The following LRP1B variants were observed in gnomAD, a reference collection of about 807,000 sequenced individuals.
LRP1B encodes the protein low-density lipoprotein receptor-related protein 1B.
In LRP1B, 217 loss-of-function variants were observed where a neutral mutation model predicts 556.6. The observed-to-expected ratio is 0.39, with a 90% CI of 0.35 to 0.44. The LOEUF (loss-of-function observed/expected upper bound fraction) is 0.44, where lower values mean the gene tolerates loss of function less well. Ranked by LOEUF, LRP1B falls within the 20% of genes least tolerant of loss-of-function variation. The pLI is 1.00. For missense variants in LRP1B, 5,053 were observed against 5,620.8 expected, an observed-to-expected ratio of 0.90 and a Z score of 3.23; for synonymous variants, 2,047 against 1,865.8, an observed-to-expected ratio of 1.10 and a Z score of -2.50.
At chr2:141,006,347 A>T (rs75148265) in intron 14 of LRP1B, among the ~76,000 whole-genome samples, 3,525 of 152,128 alleles carry the variant, frequency 0.023, 69 homozygotes, top group South Asian at 0.035. Flanking sequence ...AACTATAATC[A>T]TCCCACAGTG....
At chr2:141,468,315 C>T (rs1682322042) in intron 3 of LRP1B, among the ~76,000 whole-genome samples, 1 of 152,144 alleles carries the variant, frequency 6.6e-6, no homozygotes, top group African/African-American at 2.4e-5. Flanking sequence ...CCTCATCTTA[C>T]ACTGGTTTTG....
chr2:140,773,185 A>AG (rs1179697733), intron 33 of LRP1B, among the ~76,000 whole-genome samples: 3 of 152,082 alleles, frequency 2.0e-5, no homozygotes, highest in Admixed American at 6.6e-5. Context: ...GAATGTGGCT[A>AG]GGGGCGCGGT....
chr2:140,528,518 A>T (rs1690538574), intron 47 of LRP1B, among the ~76,000 whole-genome samples: 1 of 151,880 alleles, frequency 6.6e-6, no homozygotes, highest in Non-Finnish European at 1.5e-5. Context: ...CCAAAATAAC[A>T]ATAGGGCTAA....
chr2:140,444,308 A>C, intron 65 of LRP1B, 22 bp downstream of exon 65: 2 of 1,612,934 alleles, frequency 1.2e-6, no homozygotes, highest in Non-Finnish European at 1.7e-6. Flanking sequence ...AAGACAAGAC[A>C]GAGTATTTTG....
intron 84 of LRP1B, among the ~76,000 whole-genome samples, chr2:140,286,354 G>A (rs1683152266): frequency 1.3e-5 from 2 of 151,802 alleles, no homozygotes; most frequent in African/African-American, 4.8e-5. Flanking sequence ...GTAAAAGAGG[G>A]AGACTGGAAA....
intron 3 of LRP1B, among the ~76,000 whole-genome samples, chr2:141,271,125 T>C (rs77918485): frequency 0.011 from 1,629 of 151,914 alleles, 19 homozygotes; most frequent in Non-Finnish European, 0.018. Flanking sequence ...AAAATTTTAT[T>C]TGAGGGGTTT....
At chr2:141,721,383 A>G (rs957295706) in intron 2 of LRP1B, among the ~76,000 whole-genome samples, 7 of 152,146 alleles carry the variant, frequency 4.6e-5, no homozygotes, top group Non-Finnish European at 1.0e-4. Context: ...ATTTGCTAAT[A>G]GTGGTTGAAT....
chr2:141,230,895 T>A (rs1460376807), intron 5 of LRP1B, among the ~76,000 whole-genome samples: 2 of 152,196 alleles, frequency 1.3e-5, no homozygotes, highest in East Asian at 3.9e-4. Context: ...TTCACCATAG[T>A]ATGTTTTATA....
At position 141,052,708 on chromosome 2, in the gene LRP1B, GC is replaced by G. The variant is rs560208009; in HGVS notation, c.1552+2407del. On this transcript the variant is annotated intron_variant, in intron 10 of 90. Transcript: ENST00000389484. ...CAGCACCCATTTTGCTAATATCTCA[GC>G]TTATTGCAACCTCTGCCACCTGGGC... 2.0e-4 allele frequency among the ~76,000 whole-genome samples: 31 copies of G among 152,082 alleles called. No homozygotes were observed. The East Asian group carries it at 6.0e-3, about 30-fold the overall frequency.
At chr2:141,249,680 T>C (rs1366475795) in intron 4 of LRP1B, among the ~76,000 whole-genome samples, 3 of 151,980 alleles carry the variant, frequency 2.0e-5, no homozygotes, top group Admixed American at 6.6e-5. Flanking sequence ...TCATGACTAC[T>C]GTAAGAAAAA....
chr2:140,647,726 A>G (rs920760226), intron 41 of LRP1B, among the ~76,000 whole-genome samples: 1 of 152,220 alleles, frequency 6.6e-6, no homozygotes, highest in African/African-American at 2.4e-5. Context: ...ATGCAAATCA[A>G]AACCACAATG....
chr2:141,664,089 C>A (rs916343785), intron 2 of LRP1B, among the ~76,000 whole-genome samples: 2 of 152,146 alleles, frequency 1.3e-5, no homozygotes, highest in Non-Finnish European at 2.9e-5. Flanking sequence ...TCAACATACA[C>A]AAATCAATAA....
intron 53 of LRP1B, among the ~76,000 whole-genome samples, chr2:140,505,842 C>T (rs533330749): frequency 6.6e-6 from 1 of 152,266 alleles, no homozygotes; most frequent in South Asian, 2.1e-4. Context: ...CACAGCTTTT[C>T]ATTACATATA....
At chr2:140,655,231 A>ATT (rs897059021) in intron 41 of LRP1B, among the ~76,000 whole-genome samples, 67 of 152,270 alleles carry the variant, frequency 4.4e-4, no homozygotes, top group Non-Finnish European at 8.8e-4. Context: ...CTTTTTAAAA[A>ATT]TTTATTCTCA....
At chr2:141,978,795 T>C (rs1701962015) in intron 1 of LRP1B, among the ~76,000 whole-genome samples, 1 of 152,082 alleles carries the variant, frequency 6.6e-6, no homozygotes. Flanking sequence ...TCCATTACTA[T>C]AGGTTTGTTT....
chr2:141,401,378 G>A (rs74770670), intron 3 of LRP1B, among the ~76,000 whole-genome samples: 1 of 151,948 alleles, frequency 6.6e-6, no homozygotes, highest in African/African-American at 2.4e-5. Flanking sequence ...AGAATATTAG[G>A]GTATTGGAGA....
At chr2:141,585,147 A>G (rs1464503334) in intron 2 of LRP1B, among the ~76,000 whole-genome samples, 2 of 152,140 alleles carry the variant, frequency 1.3e-5, no homozygotes, top group African/African-American at 4.8e-5. Flanking sequence ...ATCCCTTGTA[A>G]TATTTCCGAT....
At chr2:141,866,355 ATGT>A (rs1698413690) in intron 1 of LRP1B, among the ~76,000 whole-genome samples, 1 of 152,202 alleles carries the variant, frequency 6.6e-6, no homozygotes, top group Non-Finnish European at 1.5e-5. Context: ...AACCACAAAA[ATGT>A]TGTAATGAAT....
intron 51 of LRP1B, among the ~76,000 whole-genome samples, chr2:140,511,292 CTTT>C (rs70985101): frequency 3.4e-5 from 2 of 58,458 alleles, no homozygotes; most frequent in African/African-American, 1.4e-4. Context: ...CTCTAAGGGT[CTTT>C]TTTTTTTTTT....
Sources: allele counts gnomAD v4.1 joint callset (sites outside exome capture counted in the v4.1 genomes callset), GRCh38; gene constraint gnomAD v4.1.1; transcripts MANE v1.5; gene names NCBI Gene and HGNC (gene_info 2026-07-23, HGNC 2026-07-21).